Variants in SERINC1 observed in about 807,000 individuals in gnomAD.
SERINC1 encodes tumor differentially expressed protein 2.
A neutral mutation model predicts 52.9 loss-of-function variants in SERINC1; 38 were observed. That is an observed-to-expected ratio of 0.72 (90% CI 0.55 to 0.94). The LOEUF (loss-of-function observed/expected upper bound fraction) is 0.94. Among genes scored for constraint, SERINC1 ranks in the 40% least tolerant of loss-of-function variants. The pLI, the probability that SERINC1 is intolerant of heterozygous loss-of-function variation, is 0.00. For synonymous variants in SERINC1, 198 were observed against 183.1 expected, an observed-to-expected ratio of 1.08 and a Z score of -0.66; for missense variants, 471 against 533.9, an observed-to-expected ratio of 0.88 and a Z score of 1.16.
chr6:122,450,712 G>C lies in SERINC1; in HGVS notation c.850+952C>G, dbSNP rs182837493. Reference sequence around the variant, plus strand: ...AAAATATCAACATTAACAGGAGTTTGAAAGAAGTTGATTCTAACCCTCATA... The same window carrying C: ...AAAATATCAACATTAACAGGAGTTTCAAAGAAGTTGATTCTAACCCTCATA... On this transcript the variant is annotated intron_variant, in intron 7 of 9. Transcript: ENST00000339697. 5.5e-4 allele frequency among the ~76,000 whole-genome samples: 84 copies of C among 152,222 alleles called. 1 individual carries two copies. Among genetic ancestry groups the C allele is most frequent in the Non-Finnish European group, 8.1e-4 (55 of 68,010 alleles).
chr6:122,454,365 A>T, intron 3 of SERINC1, 135 bp from the exon 4 acceptor site: 1 of 592,552 alleles, frequency 1.7e-6, no homozygotes, highest in Non-Finnish European at 3.0e-6. Context: ...GGATATTATG[A>T]TCTGGAGTGT....
chr6:122,446,539 T>G (rs1774806658), intron 9 of SERINC1, among the ~76,000 whole-genome samples: 1 of 152,228 alleles, frequency 6.6e-6, no homozygotes, highest in Non-Finnish European at 1.5e-5. Context: ...ATTAGTTTCA[T>G]GAAAATTTTT....
Position 122,456,524 on chromosome 6 carries a change from T to G in SERINC1, c.328A>C (p.Lys110Gln). Residue 110 changes from lysine (K) to glutamine (Q), a missense_variant, in exon 3 of 10, where the codon AAA (lysine) becomes CAA (glutamine). Physicochemically the swap from Lys to Gln is moderately conservative, Grantham distance 53. Coordinates refer to ENST00000339697, the MANE Select transcript of SERINC1 (RefSeq NM_020755.4). Reference sequence around the variant, plus strand: ...CTAGGATCACTGCTACTCTTCACTTTGATCATTAGTAAAGAGAGAAGAAGA... The same window carrying G: ...CTAGGATCACTGCTACTCTTCACTTGGATCATTAGTAAAGAGAGAAGAAGA... ...FYLLLSLLMI[K>Q]VKSSSDPRAA... is the part of the protein sequence containing the mutation. The G allele has an allele frequency of 6.2e-7, 1 of 1,610,544 alleles. No individual in the cohort carries two copies. Among genetic ancestry groups the G allele is most frequent in the South Asian group, 1.1e-5 (1 of 90,270 alleles).
intron 2 of SERINC1, among the ~76,000 whole-genome samples, chr6:122,457,598 AAC>A (rs935227673): frequency 1.3e-5 from 2 of 152,154 alleles, no homozygotes; most frequent in East Asian, 3.9e-4. Flanking sequence ...CCCTTATAAA[AAC>A]AGACAGAAGA....
rs79014306 is a variant in SERINC1 at position 122,465,434 on chromosome 6, C to T, written c.39+6265G>A. On this transcript the variant is annotated intron_variant, in intron 1 of 9. Transcript: ENST00000339697. ...CAAGTAGAGTTGACAGAAGGGGTTC[C>T]ATACTAAAAACATAAAATTAAGTCA... Among the ~76,000 whole-genome samples the T allele has an allele frequency of 3.3e-3, 502 of 152,192 alleles. 6 individuals carry two copies. Among genetic ancestry groups the T allele is most frequent in the African/African-American group, 0.011 (477 of 41,514 alleles).
At chr6:122,466,132 G>A (rs1216145952) in intron 1 of SERINC1, among the ~76,000 whole-genome samples, 2 of 152,158 alleles carry the variant, frequency 1.3e-5, no homozygotes, top group Admixed American at 1.3e-4. Context: ...TACTCAGAAG[G>A]CTGAGGCATT....
intron 1 of SERINC1, among the ~76,000 whole-genome samples, chr6:122,470,480 TGATA>T (rs1421053775): frequency 6.6e-6 from 1 of 152,208 alleles, no homozygotes; most frequent in African/African-American, 2.4e-5. Flanking sequence ...CAATCTTATA[TGATA>T]ATCAATTATC....
chr6:122,461,658 TA>T (rs71541206), intron 1 of SERINC1, among the ~76,000 whole-genome samples: 21,476 of 134,510 alleles, frequency 0.16, 1,600 homozygotes, highest in East Asian at 0.28. Context: ...TAAAGTATAA[TA>T]AAAAAAAAAA....
intron 1 of SERINC1, among the ~76,000 whole-genome samples, chr6:122,461,658 TAA>T (rs71541206): frequency 2.1e-4 from 28 of 134,740 alleles, no homozygotes; most frequent in African/African-American, 1.9e-4. Flanking sequence ...TAAAGTATAA[TAA>T]AAAAAAAAAA....
intron 9 of SERINC1, among the ~76,000 whole-genome samples, chr6:122,445,889 A>AAAAAAAAAAAAAAG (rs1774787652): frequency 6.7e-6 from 1 of 149,026 alleles, no homozygotes; most frequent in Non-Finnish European, 1.5e-5. Flanking sequence ...ATTTCAAAAA[A>AAAAAAAAAAAAAAG]AAAAAAAAAA....
rs770854030 is a variant in SERINC1, at chr6:122,463,312, A to G, written c.40-4631T>C. On this transcript the variant is annotated intron_variant, in intron 1 of 9. Coordinates refer to ENST00000339697, the MANE Select transcript of SERINC1 (RefSeq NM_020755.4). ...CCATATATGAGAATTAAGATTTCCT[A>G]GATACCATATAAAAAACAGGACTCA... Among the ~76,000 whole-genome samples the G allele has an allele frequency of 3.9e-5, 6 of 152,198 alleles. No homozygotes were observed. In the South Asian group the frequency reaches 6.2e-4, roughly 16 times the overall value.
At position 122,447,190 on chromosome 6, in the gene SERINC1, G is replaced by A; in HGVS notation, c.926C>T (p.Ser309Leu). 6.2e-7 allele frequency: 1 copy of A among 1,612,156 alleles called. No homozygotes were observed. The highest frequency in any genetic ancestry group is 8.5e-7 in the Non-Finnish European group (1 of 1,178,198). The change falls in exon 8 of 10, where the codon TCA becomes TTA. Residue 309 changes from serine (S) to leucine (L), a missense_variant. By Grantham distance (145) the Ser-to-Leu change is moderately radical. Transcript: ENST00000339697. ...TTSTVPKEGQ[S>L]VQWWHAQGII... ...TCCTTGAGCATGCCACCACTGGACT[G>A]ACTGCCCTTCCTTTGGGACAGTGCT... is the stretch of plus-strand genomic sequence containing the variant.
At chr6:122,470,714 A>C (rs1200582116) in intron 1 of SERINC1, among the ~76,000 whole-genome samples, 1 of 152,172 alleles carries the variant, frequency 6.6e-6, no homozygotes, top group Non-Finnish European at 1.5e-5. Flanking sequence ...TTAAGAGTAT[A>C]TATAACGGAA....
intron 1 of SERINC1, among the ~76,000 whole-genome samples, chr6:122,467,345 C>T (rs1250889679): frequency 6.6e-6 from 1 of 152,136 alleles, no homozygotes; most frequent in Non-Finnish European, 1.5e-5. Flanking sequence ...TGGCTCACAC[C>T]TATAATCCCA....
In SERINC1 at chr6:122,444,904, C is replaced by A; in HGVS notation, c.*140G>T. On this transcript the variant is annotated 3_prime_UTR_variant, in exon 10 of 10. Coordinates refer to ENST00000339697, the MANE Select transcript of SERINC1 (RefSeq NM_020755.4). ...ACTTGGTAAGAAAATAACAAAATGA[C>A]AAGCAGTAAAATCTAATTCATGCCA... 1 of 732,228 alleles carries A rather than the reference C, an allele frequency of 1.4e-6. No individual in the cohort carries two copies. 45.4% of individuals were successfully genotyped at this position (732,228 alleles called of 1,614,324 possible). A position where few individuals can be genotyped will look rare whatever the true frequency, so the allele number is the denominator to read the frequency against.
intron 1 of SERINC1, among the ~76,000 whole-genome samples, chr6:122,468,164 G>A (rs546970181): frequency 6.6e-6 from 1 of 152,324 alleles, no homozygotes; most frequent in South Asian, 2.1e-4. Context: ...CCACCTTTCA[G>A]AGAAGTGAAT....
intron 1 of SERINC1, among the ~76,000 whole-genome samples, chr6:122,462,943 C>G (rs777412527): frequency 6.6e-6 from 1 of 152,114 alleles, no homozygotes; most frequent in Non-Finnish European, 1.5e-5. Context: ...CAATCACAAT[C>G]CCAACATCAG....
chr6:122,451,675 G>T lies in SERINC1; in HGVS notation c.839C>A (p.Thr280Asn). 1 of 1,207,224 alleles carries T rather than the reference G, an allele frequency of 8.3e-7. No individual in the cohort carries two copies. The highest frequency in any genetic ancestry group is 1.1e-6 in the Non-Finnish European group (1 of 870,152). 74.8% of individuals were successfully genotyped at this position (1,207,224 alleles called of 1,614,324 possible). A position where few individuals can be genotyped will look rare whatever the true frequency, so the allele number is the denominator to read the frequency against. Reference sequence around the variant, plus strand: ...TAAATAAAACACACCTGGTTCATTGGTCATAGCTGACCATGTCAAATACAT... The same window carrying T: ...TAAATAAAACACACCTGGTTCATTGTTCATAGCTGACCATGTCAAATACAT... ...YTMYLTWSAM[T>N]NEPETNCNPS... The change falls in exon 7 of 10, where the codon ACC (threonine) becomes AAC (asparagine). Residue 280 changes from threonine to asparagine, a missense_variant. Transcript: ENST00000339697.
intron 2 of SERINC1, 130 bp downstream of exon 2, chr6:122,458,390 G>C (rs960204717): frequency 1.8e-6 from 1 of 544,702 alleles, no homozygotes; most frequent in Non-Finnish European, 3.1e-6. Flanking sequence ...AAAAGATTAT[G>C]AACTACAACT....
Sources: gnomAD v4.1 joint callset for allele counts (sites outside exome capture counted in the v4.1 genomes callset) on GRCh38, gnomAD v4.1.1 for gene constraint, MANE v1.5 for transcripts, NCBI Gene and HGNC (gene_info 2026-07-23, HGNC 2026-07-21) for gene names.